FAM133B: variants seen among roughly 807,000 people sequenced by gnomAD.
FAM133B encodes the protein family with sequence similarity 133 member B.
Under a neutral mutation model 46.4 loss-of-function variants are expected in FAM133B, and 25 were observed. The observed-to-expected ratio is 0.54, with a 90% CI of 0.39 to 0.75. The LOEUF (loss-of-function observed/expected upper bound fraction) is 0.75, where lower values mean the gene tolerates loss of function less well. FAM133B is among the 30% of genes least tolerant of loss of function. FAM133B has a pLI of 0.00. For synonymous variants in FAM133B, 75 were observed against 86.0 expected (o/e 0.87, Z 0.71); for missense variants, 205 against 277.6 (o/e 0.74, Z 1.86).
Position 92,565,064 on chromosome 7 carries a change from A to T in FAM133B, c.657+950T>A, listed in dbSNP as rs185975819. Among the ~76,000 whole-genome samples the T allele has an allele frequency of 2.1e-3, 315 of 152,236 alleles. 1 individual carries two copies. Among genetic ancestry groups the T allele is most frequent in the African/African-American group, 7.0e-3 (292 of 41,554 alleles). ...GCTGATTTGGAAGTAACTATTATCA[A>T]AGATAACAGAAATCACCATACTTTG... On this transcript the variant is annotated intron_variant, in intron 10 of 10. Transcript: ENST00000445716.
chr7:92,562,775 TA>T (rs1794199661), intron 10 of FAM133B, among the ~76,000 whole-genome samples: 1 of 152,202 alleles, frequency 6.6e-6, no homozygotes, highest in Non-Finnish European at 1.5e-5. Context: ...ACAGAGATAT[TA>T]AATTTGCCAG....
intron 8 of FAM133B, among the ~76,000 whole-genome samples, chr7:92,575,012 A>C (rs1213804701): frequency 1.3e-5 from 2 of 152,242 alleles, no homozygotes; most frequent in Non-Finnish European, 2.9e-5. Flanking sequence ...AATAACCAGA[A>C]TAACAATTTT....
intron 8 of FAM133B, among the ~76,000 whole-genome samples, chr7:92,574,520 T>C (rs1380202753): frequency 6.6e-6 from 1 of 152,216 alleles, no homozygotes; most frequent in African/African-American, 2.4e-5. Flanking sequence ...ACATTAATAC[T>C]GAATTTTAGC....
intron 10 of FAM133B, 47 bp from the exon 11 acceptor site, chr7:92,562,415 A>C: frequency 1.3e-6 from 2 of 1,509,970 alleles, no homozygotes; most frequent in Non-Finnish European, 1.8e-6. Context: ...AAAATACGCA[A>C]ATTAAAAGCA....
chr7:92,564,142 T>C (rs1794245427), intron 10 of FAM133B, among the ~76,000 whole-genome samples: 1 of 152,194 alleles, frequency 6.6e-6, no homozygotes, highest in Non-Finnish European at 1.5e-5. Context: ...ACTTACCTTC[T>C]CTTAGTCCCT....
At chr7:92,562,688 G>C (rs1345577753) in intron 10 of FAM133B, among the ~76,000 whole-genome samples, 1 of 152,060 alleles carries the variant, frequency 6.6e-6, no homozygotes, top group Admixed American at 6.6e-5. Flanking sequence ...ACTTCTAAAG[G>C]TAAAGTAATT....
chr7:92,565,882 T>TG (rs773090310), intron 10 of FAM133B, 132 bp downstream of exon 10: 40 of 921,068 alleles, frequency 4.3e-5, no homozygotes, highest in Non-Finnish European at 6.2e-5. Context: ...GTGAAGCTGC[T>TG]GAACACACCA....
chr7:92,580,534 A>G (rs1448434955), intron 2 of FAM133B, among the ~76,000 whole-genome samples: 1 of 152,238 alleles, frequency 6.6e-6, no homozygotes, highest in Non-Finnish European at 1.5e-5. Context: ...AAGGGCATTA[A>G]GTGCCTCTCA....
intron 1 of FAM133B, among the ~76,000 whole-genome samples, chr7:92,589,041 G>A (rs1187908090): frequency 6.6e-6 from 1 of 152,200 alleles, no homozygotes; most frequent in African/African-American, 2.4e-5. Flanking sequence ...GATGGCAAGT[G>A]TCATCATTTC....
chr7:92,567,641 A>G (rs1173329066), intron 9 of FAM133B, among the ~76,000 whole-genome samples: 8 of 152,238 alleles, frequency 5.3e-5, no homozygotes, highest in Admixed American at 3.9e-4. Context: ...TACTACATCT[A>G]TATTTAGCCA....
chr7:92,573,747 T>C (rs938804511), intron 8 of FAM133B, among the ~76,000 whole-genome samples: 15 of 152,106 alleles, frequency 9.9e-5, no homozygotes, highest in African/African-American at 3.4e-4. Flanking sequence ...CACATCCTTC[T>C]GACAACTACT....
chr7:92,590,313 T>C lies in FAM133B; in HGVS notation c.-22A>G. On this transcript the variant is annotated 5_prime_UTR_variant, in exon 1 of 11. Coordinates refer to ENST00000445716, the MANE Select transcript of FAM133B (RefSeq NM_152789.4). ...CCATGGTGCTGGATCGAGCGCACAG[T>C]AGCACGCCGAGGGAAACCGGGCCGG... 3.7e-6 allele frequency: 6 copies of C among 1,613,588 alleles called. No homozygotes were observed. In the African/African-American group the frequency reaches 4.0e-5, roughly 11 times the overall value.
intron 1 of FAM133B, among the ~76,000 whole-genome samples, chr7:92,583,949 C>T (rs1794963243): frequency 7.0e-6 from 1 of 143,250 alleles, no homozygotes; most frequent in African/African-American, 2.6e-5. Context: ...ACTCAGGAGG[C>T]TGAGGCAGGA....
intron 1 of FAM133B, 92 bp downstream of exon 1, chr7:92,590,176 T>C: frequency 6.3e-7 from 1 of 1,598,594 alleles, no homozygotes; most frequent in South Asian, 1.1e-5. Context: ...GGCTGCCGCT[T>C]GCCCTCCGGC....
chr7:92,576,300 G>C (rs936772617), intron 7 of FAM133B, among the ~76,000 whole-genome samples: 1 of 152,202 alleles, frequency 6.6e-6, no homozygotes, highest in Non-Finnish European at 1.5e-5. Flanking sequence ...TAAATTAAGT[G>C]CTTAGAATTG....
intron 1 of FAM133B, chr7:92,589,946 G>C (rs772025381): frequency 2.2e-6 from 1 of 453,528 alleles, no homozygotes; most frequent in African/African-American, 2.0e-5. Flanking sequence ...CCAGGTGTGG[G>C]GGGGGTTCCC....
At chr7:92,570,959 T>C (rs1156952180) in intron 8 of FAM133B, among the ~76,000 whole-genome samples, 1 of 152,204 alleles carries the variant, frequency 6.6e-6, no homozygotes, top group Non-Finnish European at 1.5e-5. Context: ...GTCTGGAACC[T>C]GCTCTTCTCA....
chr7:92,568,745 A>G (rs1294198610), intron 9 of FAM133B, among the ~76,000 whole-genome samples: 2 of 151,864 alleles, frequency 1.3e-5, no homozygotes, highest in African/African-American at 4.8e-5. Context: ...ATTTTTTTAG[A>G]GATGGGGTCT....
intron 1 of FAM133B, 127 bp from the exon 2 acceptor site, chr7:92,581,730 C>A: frequency 1.5e-6 from 1 of 678,404 alleles, no homozygotes; most frequent in Non-Finnish European, 2.5e-6. Context: ...ATCTGACTAA[C>A]CAACTCTTTA....
Sources: allele counts gnomAD v4.1 joint callset (sites outside exome capture counted in the v4.1 genomes callset), GRCh38; gene constraint gnomAD v4.1.1; transcripts MANE v1.5; gene names NCBI Gene and HGNC (gene_info 2026-07-23, HGNC 2026-07-21).